Variants in WDR70 observed in about 807,000 individuals in gnomAD.
WDR70 encodes WD repeat domain 70, also known as WD repeat-containing protein 70.
WDR70 carries 53 observed loss-of-function variants against 88.6 expected under a neutral mutation model. The observed-to-expected ratio is 0.60, with a 90% CI of 0.48 to 0.75. The LOEUF is 0.75. Among genes scored for constraint, WDR70 ranks in the 30% least tolerant of loss-of-function variants. The pLI, the probability that WDR70 is intolerant of heterozygous loss-of-function variation, is 0.00. For synonymous variants in WDR70, 280 were observed against 270.0 expected (o/e 1.04, Z -0.36); for missense variants, 610 against 823.2 (o/e 0.74, Z 3.17).
At chr5:37,671,484 G>A (rs940676112) in intron 10 of WDR70, among the ~76,000 whole-genome samples, 2 of 152,112 alleles carry the variant, frequency 1.3e-5, no homozygotes, top group Admixed American at 1.3e-4. Context: ...GAAAAGTCTA[G>A]CAGCTTGGCC....
intron 10 of WDR70, among the ~76,000 whole-genome samples, chr5:37,667,552 C>G (rs773196844): frequency 6.6e-6 from 1 of 152,038 alleles, no homozygotes; most frequent in African/African-American, 2.4e-5. Context: ...TTAGTTTTTT[C>G]CAGATAAAAG....
intron 17 of WDR70, among the ~76,000 whole-genome samples, chr5:37,746,253 A>C (rs921101108): frequency 1.3e-5 from 2 of 152,184 alleles, no homozygotes; most frequent in African/African-American, 4.8e-5. Flanking sequence ...AATGTTCCAG[A>C]ATTTCTGAGA....
intron 7 of WDR70, among the ~76,000 whole-genome samples, chr5:37,456,823 A>G (rs1310414848): frequency 1.3e-5 from 2 of 152,246 alleles, no homozygotes; most frequent in African/African-American, 2.4e-5. Context: ...GCTACTATCC[A>G]TAATACAGTT....
intron 9 of WDR70, among the ~76,000 whole-genome samples, chr5:37,597,623 G>A (rs147112353): frequency 2.0e-5 from 3 of 152,180 alleles, no homozygotes; most frequent in East Asian, 3.9e-4. Flanking sequence ...AAAAGAGTCC[G>A]GCTTTCTTGG....
chr5:37,694,444 A>C (rs1045841270), intron 10 of WDR70, among the ~76,000 whole-genome samples: 1 of 152,220 alleles, frequency 6.6e-6, no homozygotes, highest in African/African-American at 2.4e-5. Context: ...ACTTGGAACC[A>C]ATCCAAATGT....
intron 9 of WDR70, among the ~76,000 whole-genome samples, chr5:37,538,308 T>A (rs1056621127): frequency 6.6e-6 from 1 of 151,972 alleles, no homozygotes; most frequent in Non-Finnish European, 1.5e-5. Context: ...AGCCTCTGGA[T>A]AAAAGTTTAT....
intron 9 of WDR70, among the ~76,000 whole-genome samples, chr5:37,546,498 G>A (rs1741996018): frequency 6.6e-6 from 1 of 152,050 alleles, no homozygotes; most frequent in Non-Finnish European, 1.5e-5. Flanking sequence ...TTCCTATATA[G>A]GGATTATATA....
At position 37,525,163 on chromosome 5, in the gene WDR70, CA is replaced by C. The variant is rs200891440; in HGVS notation, c.917+8577del. 7.2e-3 allele frequency among the ~76,000 whole-genome samples: 1,095 copies of C among 152,306 alleles called. 4 individuals are homozygous for C. The highest frequency in any genetic ancestry group is 9.7e-3 in the Non-Finnish European group (661 of 68,030). ...ATCTACAGAACTCTCCACCCCAAATCAAAAGAATATACATTCTTCTCAGCAC... is the reference window on the plus strand; with the variant it reads ...ATCTACAGAACTCTCCACCCCAAATCAAAGAATATACATTCTTCTCAGCAC... On this transcript the variant is annotated intron_variant, in intron 9 of 17. Transcript: ENST00000265107.
intron 9 of WDR70, among the ~76,000 whole-genome samples, chr5:37,532,121 A>G (rs912564944): frequency 1.3e-5 from 2 of 152,206 alleles, no homozygotes; most frequent in South Asian, 2.1e-4. Flanking sequence ...TTCTGCTGAG[A>G]AATCTGCTGT....
intron 8 of WDR70, among the ~76,000 whole-genome samples, chr5:37,481,127 G>GC (rs1190061303): frequency 6.6e-6 from 1 of 152,214 alleles, no homozygotes; most frequent in Non-Finnish European, 1.5e-5. Flanking sequence ...GCAGGGTACA[G>GC]CCCCCCTTCT....
chr5:37,526,939 C>T (rs575724525), intron 9 of WDR70, among the ~76,000 whole-genome samples: 14 of 152,240 alleles, frequency 9.2e-5, no homozygotes, highest in South Asian at 8.3e-4. Flanking sequence ...TGAAGGACCT[C>T]TTCAAGGAGA....
chr5:37,622,282 A>G (rs543991966), intron 10 of WDR70, among the ~76,000 whole-genome samples: 1 of 152,060 alleles, frequency 6.6e-6, no homozygotes, highest in South Asian at 2.1e-4. Flanking sequence ...GAACACTTTT[A>G]CACTGTTGGT....
chr5:37,508,447 C>A (rs946300924), intron 8 of WDR70, among the ~76,000 whole-genome samples: 1 of 152,188 alleles, frequency 6.6e-6, no homozygotes, highest in Non-Finnish European at 1.5e-5. Flanking sequence ...GTTATAGCAG[C>A]CCTAGCTGAC....
intron 7 of WDR70, among the ~76,000 whole-genome samples, chr5:37,470,280 T>G (rs1739288801): frequency 6.6e-6 from 1 of 152,188 alleles, no homozygotes; most frequent in Admixed American, 6.5e-5. Flanking sequence ...TGTACCCATT[T>G]GATGTCTTTA....
At chr5:37,641,247 C>G (rs536719967) in intron 10 of WDR70, among the ~76,000 whole-genome samples, 25 of 152,026 alleles carry the variant, frequency 1.6e-4, no homozygotes, top group Admixed American at 3.9e-4. Flanking sequence ...TCCTGAGTAG[C>G]TGGGATTATA....
At chr5:37,587,520 C>A (rs1423870273) in intron 9 of WDR70, among the ~76,000 whole-genome samples, 4 of 151,928 alleles carry the variant, frequency 2.6e-5, no homozygotes, top group African/African-American at 9.7e-5. Flanking sequence ...TCTATAGAAT[C>A]CTTCCTAGAT....
At chr5:37,457,500 G>A (rs1171093138) in intron 7 of WDR70, among the ~76,000 whole-genome samples, 3 of 152,066 alleles carry the variant, frequency 2.0e-5, no homozygotes, top group Non-Finnish European at 4.4e-5. Context: ...TCTTATAGAG[G>A]GCAATTTGGC....
chr5:37,446,769 T>C (rs1202282253), intron 7 of WDR70, among the ~76,000 whole-genome samples: 1 of 152,166 alleles, frequency 6.6e-6, no homozygotes, highest in Admixed American at 6.6e-5. Flanking sequence ...CCCTTCCTTA[T>C]ACCTTACACA....
At chr5:37,389,797 C>T (rs992780951) in intron 3 of WDR70, among the ~76,000 whole-genome samples, 2 of 152,096 alleles carry the variant, frequency 1.3e-5, no homozygotes, top group East Asian at 1.9e-4. Flanking sequence ...ACTCTTGACC[C>T]GCCTCAGCCC....
Sources: allele counts gnomAD v4.1 joint callset (sites outside exome capture counted in the v4.1 genomes callset), GRCh38; gene constraint gnomAD v4.1.1; transcripts MANE v1.5; gene names NCBI Gene and HGNC (gene_info 2026-07-23, HGNC 2026-07-21).